The following TNR variants were observed in gnomAD, a reference collection of about 807,000 sequenced individuals.
TNR encodes tenascin R, also known as tenascin-R.
TNR carries 45 observed loss-of-function variants against 150.4 expected under a neutral mutation model. The observed-to-expected ratio is 0.30, with a 90% confidence interval of 0.24 to 0.38. The LOEUF is 0.38. Ranked by LOEUF, TNR falls within the 10% of genes least tolerant of loss-of-function variation. The pLI, the probability that TNR is intolerant of heterozygous loss-of-function variation, is 1.00. For synonymous variants in TNR, 687 were observed against 678.4 expected, an observed-to-expected ratio of 1.01 and a Z score of -0.20; for missense variants, 1,544 against 1,759.1, an observed-to-expected ratio of 0.88 and a Z score of 2.19.
intron 2 of TNR, among the ~76,000 whole-genome samples, chr1:175,419,709 T>C (rs982463092): frequency 6.6e-6 from 1 of 152,072 alleles, no homozygotes; most frequent in African/African-American, 2.4e-5. Flanking sequence ...CTCAAACTCC[T>C]GACCTCAGGT....
intron 1 of TNR, among the ~76,000 whole-genome samples, chr1:175,584,703 C>A (rs529184342): frequency 6.6e-6 from 1 of 152,258 alleles, no homozygotes; most frequent in African/African-American, 2.4e-5. Context: ...TCAAAGATAA[C>A]CTTGGTTGGT....
chr1:175,623,914 A>T (rs1664061761), intron 1 of TNR, among the ~76,000 whole-genome samples: 1 of 152,376 alleles, frequency 6.6e-6, no homozygotes, highest in East Asian at 1.9e-4. Context: ...ACACAAGTCA[A>T]GGGGCTGTTT....
At chr1:175,359,139 C>CTTTTCT (rs1651468170) in intron 15 of TNR, among the ~76,000 whole-genome samples, 1 of 42,138 alleles carries the variant, frequency 2.4e-5, no homozygotes, top group Non-Finnish European at 4.3e-5. Context: ...GGGATATCTT[C>CTTTTCT]TTTTTTTTTT....
At chr1:175,529,778 T>C (rs1189375061) in intron 1 of TNR, among the ~76,000 whole-genome samples, 1 of 152,188 alleles carries the variant, frequency 6.6e-6, no homozygotes, top group East Asian at 1.9e-4. Context: ...CACTGACCTT[T>C]CTTTTCCTCA....
At chr1:175,690,066 G>T (rs1666315155) in intron 1 of TNR, among the ~76,000 whole-genome samples, 1 of 152,202 alleles carries the variant, frequency 6.6e-6, no homozygotes, top group African/African-American at 2.4e-5. Flanking sequence ...AGGTCATACA[G>T]CTGTAAGCAG....
At chr1:175,631,070 A>G (rs1456315868) in intron 1 of TNR, among the ~76,000 whole-genome samples, 1 of 152,238 alleles carries the variant, frequency 6.6e-6, no homozygotes, top group Admixed American at 6.5e-5. Flanking sequence ...CAACGGCGCA[A>G]TCTTTGTGAA....
At chr1:175,721,875 G>A (rs1256339991) in intron 1 of TNR, among the ~76,000 whole-genome samples, 3 of 99,092 alleles carry the variant, frequency 3.0e-5, no homozygotes, top group East Asian at 2.7e-4. Flanking sequence ...CTGCCTCCCC[G>A]GTCGGATGTG....
At position 175,685,148 on chromosome 1, in the gene TNR, CCTCA is replaced by C. The variant is rs370765151; in HGVS notation, c.-165+58074_-165+58077del. Among the ~76,000 whole-genome samples, 417 of 152,290 alleles carry C rather than the reference CCTCA, an allele frequency of 2.7e-3. 2 individuals are homozygous for C. The highest frequency in any genetic ancestry group is 9.6e-3 in the African/African-American group (399 of 41,558). On this transcript the variant is annotated intron_variant, in intron 1 of 22. Coordinates refer to ENST00000367674, the MANE Select transcript of TNR (RefSeq NM_003285.3). ...TGGGACCCCTTATTCTCTGGATTTTCCTCACTTTGTTCTCTCTGAGTTGCTTCTG... is the reference window on the plus strand; with the variant it reads ...TGGGACCCCTTATTCTCTGGATTTTCCTTTGTTCTCTCTGAGTTGCTTCTG...
chr1:175,404,146 C>G (rs569117989), intron 3 of TNR, among the ~76,000 whole-genome samples: 1 of 152,278 alleles, frequency 6.6e-6, no homozygotes, highest in South Asian at 2.1e-4. Flanking sequence ...CATTCTCTCT[C>G]TGGGCAGCCC....
chr1:175,368,828 AG>A (rs1183968903), intron 9 of TNR, among the ~76,000 whole-genome samples: 2 of 152,196 alleles, frequency 1.3e-5, no homozygotes, highest in Non-Finnish European at 2.9e-5. Flanking sequence ...GTGCACCTGT[AG>A]TCCCAGCTAT....
chr1:175,413,168 G>A (rs2102054477), intron 2 of TNR, among the ~76,000 whole-genome samples: 1 of 152,310 alleles, frequency 6.6e-6, no homozygotes, highest in East Asian at 1.9e-4. Context: ...TGGGATTATA[G>A]GCGTGTGCCA....
chr1:175,461,560 G>A (rs981427744), intron 2 of TNR, among the ~76,000 whole-genome samples: 2 of 152,160 alleles, frequency 1.3e-5, no homozygotes, highest in African/African-American at 2.4e-5. Context: ...AACAGAAAAC[G>A]AAATCTCTAC....
intron 1 of TNR, among the ~76,000 whole-genome samples, chr1:175,540,214 C>A (rs949246673): frequency 5.3e-5 from 8 of 152,178 alleles, no homozygotes; most frequent in Non-Finnish European, 1.0e-4. Context: ...ATCCTGATAA[C>A]AGAGGCTCCA....
intron 2 of TNR, among the ~76,000 whole-genome samples, chr1:175,473,507 G>C (rs1414074719): frequency 6.6e-6 from 1 of 152,182 alleles, no homozygotes; most frequent in Non-Finnish European, 1.5e-5. Context: ...GGGAATGGAA[G>C]CTCTAGGATG....
intron 1 of TNR, among the ~76,000 whole-genome samples, chr1:175,565,216 T>C (rs1661594500): frequency 6.6e-6 from 1 of 152,198 alleles, no homozygotes; most frequent in Admixed American, 6.5e-5. Context: ...GGTGCTGTCT[T>C]TCTAAGAGTG....
At chr1:175,492,208 A>G (rs955927987) in intron 2 of TNR, among the ~76,000 whole-genome samples, 1 of 152,162 alleles carries the variant, frequency 6.6e-6, no homozygotes, top group Non-Finnish European at 1.5e-5. Context: ...AGAAAGCCCA[A>G]GTTTGTTTTG....
At chr1:175,464,635 A>G (rs570784308) in intron 2 of TNR, among the ~76,000 whole-genome samples, 3 of 152,342 alleles carry the variant, frequency 2.0e-5, no homozygotes, top group African/African-American at 7.2e-5. Context: ...GAAAGGTTGT[A>G]AGTATAAGTG....
intron 1 of TNR, among the ~76,000 whole-genome samples, chr1:175,587,929 G>A (rs542983121): frequency 4.3e-4 from 66 of 152,318 alleles, no homozygotes; most frequent in Non-Finnish European, 7.8e-4. Flanking sequence ...ACATGGTGGA[G>A]GGGATTAAGC....
chr1:175,611,254 G>A (rs1462287910), intron 1 of TNR, among the ~76,000 whole-genome samples: 3 of 152,122 alleles, frequency 2.0e-5, no homozygotes, highest in South Asian at 2.1e-4. Context: ...GGGAAATGAT[G>A]TCCACCCAGG....
Sources: allele counts gnomAD v4.1 joint callset (sites outside exome capture counted in the v4.1 genomes callset), GRCh38; gene constraint gnomAD v4.1.1; transcripts MANE v1.5; gene names NCBI Gene and HGNC (gene_info 2026-07-23, HGNC 2026-07-21).